Variants in CABCOCO1 observed in about 807,000 individuals in gnomAD.
CABCOCO1 encodes the protein ciliary-associated calcium-binding coiled-coil protein 1.
In CABCOCO1, 28 loss-of-function variants were observed where a neutral mutation model predicts 35.7. That is an observed-to-expected ratio of 0.78 (90% confidence interval 0.58 to 1.07). The LOEUF (loss-of-function observed/expected upper bound fraction) is 1.07. Among genes scored for constraint, CABCOCO1 ranks in the 50% least tolerant of loss-of-function variants. The pLI is 0.00. For synonymous variants in CABCOCO1, 95 were observed against 100.1 expected (o/e 0.95, Z 0.30); for missense variants, 326 against 309.2 (o/e 1.05, Z -0.41).
intron 2 of CABCOCO1, among the ~76,000 whole-genome samples, chr10:61,675,354 A>G (rs565797614): frequency 7.2e-5 from 11 of 152,286 alleles, no homozygotes; most frequent in African/African-American, 1.9e-4. Context: ...TTGGAGTACA[A>G]TGACCGAGCA....
intron 5 of CABCOCO1, among the ~76,000 whole-genome samples, chr10:61,696,969 T>C (rs1840313209): frequency 6.6e-6 from 1 of 152,134 alleles, no homozygotes. Flanking sequence ...AAAAAATATG[T>C]ATTTCTTAAA....
At chr10:61,680,438 A>C (rs1198934949) in intron 2 of CABCOCO1, among the ~76,000 whole-genome samples, 2 of 71,564 alleles carry the variant, frequency 2.8e-5, no homozygotes, top group East Asian at 4.9e-4. Flanking sequence ...ATATTAACAT[A>C]TATAATATAT....
intron 5 of CABCOCO1, among the ~76,000 whole-genome samples, chr10:61,743,596 T>A (rs1051867618): frequency 6.6e-6 from 1 of 152,120 alleles, no homozygotes; most frequent in Non-Finnish European, 1.5e-5. Context: ...TTCCCAGAGG[T>A]CTTGTAGTTA....
chr10:61,681,570 C>T (rs1029247769), intron 3 of CABCOCO1, among the ~76,000 whole-genome samples: 2 of 152,040 alleles, frequency 1.3e-5, no homozygotes, highest in African/African-American at 2.4e-5. Flanking sequence ...CAGTGGCATC[C>T]ACCCTCTAAA....
At position 61,701,605 on chromosome 10, in the gene CABCOCO1, T is replaced by C. The variant is rs972090369; in HGVS notation, c.552+10984T>C. ...GAATGCAGTCTAAGAAAAATCATCATGTTTCCATTCTCTGATTACAAACCC... is the reference window on the plus strand; with the variant it reads ...GAATGCAGTCTAAGAAAAATCATCACGTTTCCATTCTCTGATTACAAACCC... On this transcript the variant is annotated intron_variant, in intron 5 of 7. Transcript: ENST00000648843. 2.5e-5 allele frequency: 24 copies of C among 979,236 alleles called. No homozygotes were observed. The African/African-American group carries it at 3.9e-4, about 16-fold the overall frequency. The allele number at this position is 979,236 out of a possible 1,614,324, so 60.7% of individuals were successfully genotyped here.
intron 1 of CABCOCO1, among the ~76,000 whole-genome samples, chr10:61,670,224 T>C (rs911235033): frequency 1.3e-5 from 2 of 152,122 alleles, no homozygotes; most frequent in Non-Finnish European, 2.9e-5. Context: ...CATAAAAATA[T>C]ATATAATGAA....
chr10:61,744,538 G>C (rs971388873), intron 5 of CABCOCO1, among the ~76,000 whole-genome samples: 1 of 152,074 alleles, frequency 6.6e-6, no homozygotes, highest in Non-Finnish European at 1.5e-5. Context: ...CAACCCATTT[G>C]ACCTAATATA....
intron 7 of CABCOCO1, among the ~76,000 whole-genome samples, chr10:61,765,712 C>T (rs991038323): frequency 6.6e-6 from 1 of 152,222 alleles, no homozygotes; most frequent in Non-Finnish European, 1.5e-5. Flanking sequence ...TGTCCAAATA[C>T]CACTTCCTGT....
rs763053665 is a variant in CABCOCO1 at position 61,681,251 on chromosome 10, C to T, written c.273C>T (p.Phe91=). 15 of 1,568,028 alleles carry T rather than the reference C, an allele frequency of 9.6e-6. No homozygotes were observed. Among genetic ancestry groups the T allele is most frequent in the Non-Finnish European group, 1.2e-5 (14 of 1,150,052 alleles). Residue 91 remains phenylalanine (F), a synonymous_variant, in exon 3 of 8, where the codon TTC becomes TTT. Transcript: ENST00000648843. ...SGFLWARGMD[F]SIIQYSKFMT... is the part of the protein sequence containing the mutation. ...TTTTGTGGGCTAGAGGAATGGATTTCTCTATTATTCAGTATTCAAAATTTA... is the reference window on the plus strand; with the variant it reads ...TTTTGTGGGCTAGAGGAATGGATTTTTCTATTATTCAGTATTCAAAATTTA...
intron 5 of CABCOCO1, among the ~76,000 whole-genome samples, chr10:61,743,692 T>C (rs183861869): frequency 6.6e-6 from 1 of 152,238 alleles, no homozygotes; most frequent in Admixed American, 6.5e-5. Context: ...TCTAGAATGT[T>C]CTCCGTATGT....
At chr10:61,760,833 C>A (rs1306677125) in intron 6 of CABCOCO1, 30 bp from the exon 7 acceptor site, 2 of 1,593,086 alleles carry the variant, frequency 1.3e-6, no homozygotes, top group Admixed American at 1.8e-5. Flanking sequence ...CTAGAAATCA[C>A]CCGAGTGCTA....
intron 5 of CABCOCO1, among the ~76,000 whole-genome samples, chr10:61,700,888 G>A (rs773474478): frequency 6.6e-5 from 10 of 151,796 alleles, no homozygotes; most frequent in East Asian, 1.9e-4. Context: ...TGTCCATTGT[G>A]ACTGCAGTTT....
At chr10:61,693,650 T>C (rs1008209643) in intron 5 of CABCOCO1, among the ~76,000 whole-genome samples, 3 of 152,098 alleles carry the variant, frequency 2.0e-5, no homozygotes, top group Non-Finnish European at 4.4e-5. Context: ...ACATCACTGC[T>C]TTTTAATAAA....
intron 6 of CABCOCO1, 102 bp from the exon 7 acceptor site, chr10:61,760,760 TA>T: frequency 1.5e-6 from 2 of 1,296,504 alleles, no homozygotes; most frequent in Non-Finnish European, 2.1e-6. Flanking sequence ...TCCTGGAACT[TA>T]AAGTAAAATA....
At chr10:61,710,388 T>C (rs771445948) in intron 5 of CABCOCO1, among the ~76,000 whole-genome samples, 51 of 151,920 alleles carry the variant, frequency 3.4e-4, no homozygotes, top group Non-Finnish European at 5.6e-4. Context: ...CTAAGTTTCA[T>C]TGAACACAGT....
chr10:61,710,773 G>A (rs1199567996), intron 5 of CABCOCO1, among the ~76,000 whole-genome samples: 1 of 151,738 alleles, frequency 6.6e-6, no homozygotes, highest in Non-Finnish European at 1.5e-5. Flanking sequence ...TCCTCTAGGG[G>A]AATCAAAACT....
intron 1 of CABCOCO1, among the ~76,000 whole-genome samples, chr10:61,668,310 T>G (rs1334384628): frequency 6.6e-6 from 1 of 152,016 alleles, no homozygotes; most frequent in Admixed American, 6.5e-5. Context: ...GGTTTATAAT[T>G]TCCTTTTTTG....
intron 5 of CABCOCO1, among the ~76,000 whole-genome samples, chr10:61,756,047 T>C (rs1251366480): frequency 6.6e-6 from 1 of 152,044 alleles, no homozygotes; most frequent in Non-Finnish European, 1.5e-5. Context: ...CTTACGATTT[T>C]ATTTGCCATG....
chr10:61,748,161 G>GAA (rs10680460), intron 5 of CABCOCO1, among the ~76,000 whole-genome samples: 21,606 of 148,238 alleles, frequency 0.15, 1,778 homozygotes, highest in African/African-American at 0.23. Context: ...AGATACGGGG[G>GAA]AAAAAAAAAA....
Sources: gnomAD v4.1 joint callset for allele counts (sites outside exome capture counted in the v4.1 genomes callset) on GRCh38, gnomAD v4.1.1 for gene constraint, MANE v1.5 for transcripts, NCBI Gene and HGNC (gene_info 2026-07-23, HGNC 2026-07-21) for gene names.